Variants in SRGAP3 observed in about 807,000 individuals in gnomAD.
SRGAP3 encodes the protein SLIT-ROBO Rho GTPase activating protein 3.
SRGAP3 carries 39 observed loss-of-function variants against 121.1 expected under a neutral mutation model. The observed-to-expected ratio is 0.32, with a 90% CI of 0.25 to 0.42. The LOEUF (loss-of-function observed/expected upper bound fraction) is 0.42, where lower values mean the gene tolerates loss of function less well. Among genes scored for constraint, SRGAP3 ranks in the 10% least tolerant of loss-of-function variants. The probability of loss-of-function intolerance (pLI) is 1.00; values close to 1 mark genes in which losing one functional copy is unlikely to be tolerated. For missense variants in SRGAP3, 1,213 were observed against 1,470.6 expected, an observed-to-expected ratio of 0.82 and a Z score of 2.86; for synonymous variants, 601 against 570.0, an observed-to-expected ratio of 1.05 and a Z score of -0.77.
At chr3:9,316,020 C>T (rs547740434) in intron 3 of SRGAP3, among the ~76,000 whole-genome samples, 1 of 152,180 alleles carries the variant, frequency 6.6e-6, no homozygotes, top group East Asian at 1.9e-4. Context: ...TCAAACAGTG[C>T]TTGGTTTTGT....
chr3:9,345,676 C>G (rs531031281), intron 1 of SRGAP3, among the ~76,000 whole-genome samples: 1 of 149,078 alleles, frequency 6.7e-6, no homozygotes, highest in Non-Finnish European at 1.5e-5. Flanking sequence ...ATCCCAGCTA[C>G]CTGGGAGGCT....
At chr3:9,292,066 C>T (rs189985596) in intron 3 of SRGAP3, among the ~76,000 whole-genome samples, 44 of 152,274 alleles carry the variant, frequency 2.9e-4, no homozygotes, top group African/African-American at 1.0e-3. Context: ...AAATAACTTT[C>T]TTGGTAGTGA....
rs769132680 is a variant in SRGAP3, at chr3:9,058,287, T to C, written c.987A>G (p.Pro329=). Residue 329 remains proline, a synonymous_variant, in exon 7 of 22, where the codon CCA becomes CCG. Transcript: ENST00000383836. ...TGTGGGGCTGGAACTCGAACTTGAG[T>C]GGAGGGCAGAAGACTTGATTGCACA... ...MDMCNQVFCP[P]LKFEFQPHMG... The C allele has an allele frequency of 3.7e-6, 6 of 1,614,018 alleles. No homozygotes were observed. The highest frequency in any genetic ancestry group is 3.3e-5 in the South Asian group (3 of 91,078).
chr3:9,306,239 T>C (rs1445939019), intron 3 of SRGAP3, among the ~76,000 whole-genome samples: 1 of 152,230 alleles, frequency 6.6e-6, no homozygotes, highest in South Asian at 2.1e-4. Flanking sequence ...TCATATCCTT[T>C]GCCCACTTTT....
intron 3 of SRGAP3, among the ~76,000 whole-genome samples, chr3:9,262,184 C>A (rs547130436): frequency 6.6e-6 from 1 of 152,278 alleles, no homozygotes; most frequent in African/African-American, 2.4e-5. Flanking sequence ...ACCACCAGGG[C>A]TGCCTTACAA....
intron 3 of SRGAP3, among the ~76,000 whole-genome samples, chr3:9,322,383 T>C (rs146915729): frequency 0.018 from 2,723 of 151,888 alleles, 52 homozygotes; most frequent in Middle Eastern, 0.024. Context: ...GTCTGTAGGA[T>C]GTTAATAGCA....
intron 3 of SRGAP3, among the ~76,000 whole-genome samples, chr3:9,283,703 GA>G (rs952726206): frequency 1.3e-5 from 2 of 151,612 alleles, no homozygotes; most frequent in African/African-American, 4.8e-5. Flanking sequence ...TTAAAAAAAA[GA>G]AAAAAAGGTA....
At chr3:9,076,978 T>TATA (rs1331171930) in intron 4 of SRGAP3, among the ~76,000 whole-genome samples, 1 of 152,132 alleles carries the variant, frequency 6.6e-6, no homozygotes, top group Non-Finnish European at 1.5e-5. Flanking sequence ...TTATTATTAT[T>TATA]ATACTTTAAA....
intron 3 of SRGAP3, among the ~76,000 whole-genome samples, chr3:9,261,612 T>A (rs1020920489): frequency 6.6e-6 from 1 of 151,156 alleles, no homozygotes; most frequent in African/African-American, 2.4e-5. Flanking sequence ...ACATTGAAGA[T>A]GAACTTAATG....
At chr3:9,259,209 G>C (rs1455785361) in intron 3 of SRGAP3, among the ~76,000 whole-genome samples, 1 of 88,588 alleles carries the variant, frequency 1.1e-5, no homozygotes, top group African/African-American at 3.6e-5. Context: ...ACATTTCCCT[G>C]TTTCTTTTTT....
chr3:9,277,317 A>T (rs754399528), intron 3 of SRGAP3, among the ~76,000 whole-genome samples: 4 of 152,024 alleles, frequency 2.6e-5, no homozygotes, highest in Non-Finnish European at 5.9e-5. Flanking sequence ...TTTGTATACC[A>T]GGCCGGGCAT....
chr3:9,354,117 C>G (rs961138180), intron 1 of SRGAP3, among the ~76,000 whole-genome samples: 10 of 134,184 alleles, frequency 7.5e-5, no homozygotes, highest in African/African-American at 2.8e-4. Context: ...GCTATAATGG[C>G]AGAAGAAGGA....
At chr3:9,004,114 G>GAAATTAAGGAA (rs1239935929) in intron 18 of SRGAP3, among the ~76,000 whole-genome samples, 1 of 152,032 alleles carries the variant, frequency 6.6e-6, no homozygotes, top group Non-Finnish European at 1.5e-5. Context: ...ATTCAAAAGT[G>GAAATTAAGGAA]AAATTAAGGA....
At chr3:9,046,109 C>G (rs1945264368) in intron 10 of SRGAP3, among the ~76,000 whole-genome samples, 2 of 151,320 alleles carry the variant, frequency 1.3e-5, no homozygotes, top group Non-Finnish European at 2.9e-5. Context: ...CTGAGTCTTC[C>G]CCCCTCCTAC....
upstream of SRGAP3, among the ~76,000 whole-genome samples, chr3:9,250,578 G>A (rs549248958): frequency 4.3e-4 from 65 of 152,226 alleles, no homozygotes; most frequent in African/African-American, 1.6e-3. Context: ...GGAATGAGAG[G>A]AGCTCTTGAA....
At chr3:9,139,590 T>G (rs1366370435) in intron 1 of SRGAP3, among the ~76,000 whole-genome samples, 2 of 152,142 alleles carry the variant, frequency 1.3e-5, no homozygotes, top group Non-Finnish European at 2.9e-5. Context: ...ACACCTTGAT[T>G]TTGGATTGGT....
rs1949847755 is a variant in SRGAP3, at chr3:9,141,553, G to GTGTGTGTGTGTGTGTGT, written c.68-16637_68-16636insACACACACACACACACA. ...GAAACAAGAAGGATCTGACTTCAGGGGTGTGTGTGTGTGTGTGTGTGTGTG... is the reference window on the plus strand; with the variant it reads ...GAAACAAGAAGGATCTGACTTCAGGGTGTGTGTGTGTGTGTGTGTGTGTGTGTGTGTGTGTGTGTGTG... On this transcript the variant is annotated intron_variant, in intron 1 of 21. Transcript: ENST00000383836. Among the ~76,000 whole-genome samples the GTGTGTGTGTGTGTGTGT allele has an allele frequency of 5.6e-4, 77 of 138,460 alleles. 1 individual carries two copies. The highest frequency in any genetic ancestry group is 2.0e-3 in the African/African-American group (74 of 36,468). The allele number at this position is 138,460 out of a possible 152,430, so 90.8% of individuals were successfully genotyped here.
intron 2 of SRGAP3, among the ~76,000 whole-genome samples, chr3:9,123,253 AGTTGGATG>A (rs1485249364): frequency 6.6e-6 from 1 of 152,112 alleles, no homozygotes; most frequent in Non-Finnish European, 1.5e-5. Context: ...AAAGCACTGG[AGTTGGATG>A]GTGGCGATGG....
At chr3:9,029,282 G>C (rs981871156) in intron 12 of SRGAP3, among the ~76,000 whole-genome samples, 1 of 152,200 alleles carries the variant, frequency 6.6e-6, no homozygotes, top group Admixed American at 6.5e-5. Flanking sequence ...CATGAAGTAG[G>C]TAATTGTCAT....
Sources: allele counts gnomAD v4.1 joint callset (sites outside exome capture counted in the v4.1 genomes callset), GRCh38; gene constraint gnomAD v4.1.1; transcripts MANE v1.5; gene names NCBI Gene and HGNC (gene_info 2026-07-23, HGNC 2026-07-21).